The following TTYH2 variants were observed in gnomAD, a reference collection of about 807,000 sequenced individuals.
TTYH2 encodes protein tweety homolog 2.
TTYH2 carries 49 observed loss-of-function variants against 68.3 expected under a neutral mutation model. The observed-to-expected ratio is 0.72, with a 90% CI of 0.57 to 0.91. The LOEUF is 0.91. TTYH2 is among the 40% of genes least tolerant of loss of function. TTYH2 has a pLI of 0.00. For missense variants in TTYH2, 631 were observed against 700.4 expected (o/e 0.90, Z 1.12); for synonymous variants, 272 against 300.8 (o/e 0.90, Z 0.99).
Position 74,232,070 on chromosome 17 carries a change from G to A in TTYH2, c.414+1071G>A, listed in dbSNP as rs535807682. Among the ~76,000 whole-genome samples the A allele has an allele frequency of 2.6e-4, 40 of 152,212 alleles. No individual in the cohort carries two copies. Among genetic ancestry groups the A allele is most frequent in the African/African-American group, 4.6e-4 (19 of 41,550 alleles). On this transcript the variant is annotated intron_variant, in intron 3 of 13. Transcript: ENST00000269346. This position sits in a 1 kb window ranked among gnomAD's most constrained non-coding sequence, Gnocchi z 5.1. ...CAGTTTGACCTTGGCCCCCACACAC[G>A]TCATTCTCACTCTAAGCACCAGACC...
At chr17:74,252,500 G>A (rs771378564) in intron 11 of TTYH2, 124 bp downstream of exon 11, 301 of 1,229,860 alleles carry the variant, frequency 2.4e-4, no homozygotes, top group Non-Finnish European at 3.2e-4. Flanking sequence ...AGAGGGCCCG[G>A]GCATTCAGCC....
Position 74,237,520 on chromosome 17 carries a change from G to A in TTYH2, c.635+6G>A. 2 of 1,594,818 alleles carry A rather than the reference G, an allele frequency of 1.3e-6. No homozygotes were observed. The highest frequency in any genetic ancestry group is 2.7e-5 in the African/African-American group (2 of 74,760). On this transcript the variant is annotated splice_donor_region_variant and intron_variant, in intron 4 of 13. Transcript: ENST00000269346. Reference sequence around the variant, plus strand: ...GGCTACGTGGAGTACTACAGGTGAAGGACCGGTGGGAGGCAGAGGGAGGGG... The same window carrying A: ...GGCTACGTGGAGTACTACAGGTGAAAGACCGGTGGGAGGCAGAGGGAGGGG...
rs777602775 is a variant in TTYH2, at chr17:74,215,502, C to T, written c.129+1786C>T. On this transcript the variant is annotated intron_variant, in intron 1 of 13. Transcript: ENST00000269346. The surrounding 1 kb of genome is among the most constrained non-coding windows in gnomAD (Gnocchi z 4.3). Reference sequence around the variant, plus strand: ...GCCCCTCCTCCCAGGATTCTGGCCCCGGCTCACTTTGTGCTGGGCATCAAA... The same window carrying T: ...GCCCCTCCTCCCAGGATTCTGGCCCTGGCTCACTTTGTGCTGGGCATCAAA... The T allele has an allele frequency of 1.4e-4, 119 of 855,032 alleles. No homozygotes were observed. Among genetic ancestry groups the T allele is most frequent in the Non-Finnish European group, 2.0e-4 (110 of 563,720 alleles). 53.0% of individuals were successfully genotyped at this position (855,032 alleles called of 1,614,324 possible).
At chr17:74,251,507 T>C (rs2050629411) in intron 10 of TTYH2, among the ~76,000 whole-genome samples, 1 of 151,836 alleles carries the variant, frequency 6.6e-6, no homozygotes, top group Non-Finnish European at 1.5e-5. Flanking sequence ...CAGTCACCCC[T>C]GTCTCCTCTC....
intron 10 of TTYH2, among the ~76,000 whole-genome samples, chr17:74,251,389 G>T (rs9897077): frequency 0.42 from 61,227 of 147,240 alleles, 13,127 homozygotes; most frequent in African/African-American, 0.53. Context: ...GTGTGTGGGG[G>T]GTGTGTGTGC....
At position 74,222,445 on chromosome 17, in the gene TTYH2, C is replaced by T; in HGVS notation, c.130-40C>T. The T allele has an allele frequency of 6.4e-7, 1 of 1,574,494 alleles. No homozygotes were observed. The highest frequency in any genetic ancestry group is 8.6e-7 in the Non-Finnish European group (1 of 1,162,732). On this transcript the variant is annotated intron_variant, in intron 1 of 13. Coordinates refer to ENST00000269346, the MANE Select transcript of TTYH2 (RefSeq NM_032646.6). This position sits in a 1 kb window ranked among gnomAD's most constrained non-coding sequence, Gnocchi z 5.2. The stretch of plus-strand genomic sequence containing the variant: ...AGGGCACTTCCAGAGCCCCGCACTG[C>T]AGGGATGAAGAGTGACAACAGGCCT...
rs77459714 is a variant in TTYH2, at chr17:74,215,936, A to G, written c.129+2220A>G. Among the ~76,000 whole-genome samples, 1,753 of 152,298 alleles carry G rather than the reference A, an allele frequency of 0.012. 35 individuals are homozygous for G. The highest frequency in any genetic ancestry group is 0.04 in the African/African-American group (1,654 of 41,554). On this transcript the variant is annotated intron_variant, in intron 1 of 13. Transcript: ENST00000269346. The surrounding 1 kb of genome is among the most constrained non-coding windows in gnomAD (Gnocchi z 4.3). ...GCGGCTGGGCTCTGGGCGCAGTGCT[A>G]TGGCAGACACCAAGCAGTTTGAGGT...
At chr17:74,253,426 G>A (rs73996942) in intron 12 of TTYH2, among the ~76,000 whole-genome samples, 160 bp downstream of exon 12, 1 of 152,316 alleles carries the variant, frequency 6.6e-6, no homozygotes, top group African/African-American at 2.4e-5. Flanking sequence ...GGAGCATCTA[G>A]TCACCCCTCC....
Position 74,213,641 on chromosome 17 carries a change from C to G in TTYH2, c.54C>G (p.His18Gln). 1 of 1,612,282 alleles carries G rather than the reference C, an allele frequency of 6.2e-7. No individual in the cohort carries two copies. The highest frequency in any genetic ancestry group is 8.5e-7 in the Non-Finnish European group (1 of 1,179,568). Reference sequence around the variant, plus strand: ...CTCCCTGGTGGGTCGTGTGGCTGCACAGCGTCCCGCACGTCGGCCTGCGCC... The same window carrying G: ...CTCCCTGGTGGGTCGTGTGGCTGCAGAGCGTCCCGCACGTCGGCCTGCGCC... The part of the protein sequence containing the change: ...YIAPWWVVWL[H>Q]SVPHVGLRLQ... The change falls in exon 1 of 14, where the codon CAC becomes CAG. Residue 18 changes from histidine to glutamine, a missense_variant. Physicochemically the swap from His to Gln is conservative, Grantham distance 24. Coordinates refer to ENST00000269346, the MANE Select transcript of TTYH2 (RefSeq NM_032646.6). The surrounding 1 kb of genome is among the most constrained non-coding windows in gnomAD (Gnocchi z 6.1).
chr17:74,243,820 C>T (rs1254759386), intron 5 of TTYH2, among the ~76,000 whole-genome samples, 157 bp from the exon 6 acceptor site: 1 of 152,116 alleles, frequency 6.6e-6, no homozygotes, highest in Non-Finnish European at 1.5e-5. Flanking sequence ...GACCTGGGCT[C>T]CATGGTCCTT....
chr17:74,220,489 G>C (rs1249613548), intron 1 of TTYH2, among the ~76,000 whole-genome samples: 1 of 152,216 alleles, frequency 6.6e-6, no homozygotes. Flanking sequence ...ACAGGTCACA[G>C]GGTGGTAAAC....
chr17:74,251,347 GGTGCATGTGTGT>G (rs145204083), intron 10 of TTYH2, among the ~76,000 whole-genome samples: 60,929 of 147,228 alleles, frequency 0.41, 13,047 homozygotes, highest in African/African-American at 0.53. Context: ...TGGTGTGTGT[GGTGCATGTGTGT>G]GTGCATGTGG....
chr17:74,249,480 CG>C (rs2050596048), intron 8 of TTYH2, 81 bp downstream of exon 8: 3 of 1,486,726 alleles, frequency 2.0e-6, no homozygotes, highest in Non-Finnish European at 2.8e-6. Context: ...ACCAAGATGG[CG>C]GAGGTGGCAG....
At chr17:74,249,537 A>AG (rs2050596714) in intron 8 of TTYH2, 138 bp downstream of exon 8, 8 of 914,788 alleles carry the variant, frequency 8.7e-6, no homozygotes, top group Middle Eastern at 3.1e-4. Context: ...TGCTTCTGTG[A>AG]GGGGGGCGTG....
intron 10 of TTYH2, among the ~76,000 whole-genome samples, chr17:74,250,999 C>A (rs942479013): frequency 2.6e-5 from 4 of 152,106 alleles, no homozygotes; most frequent in African/African-American, 7.2e-5. Flanking sequence ...CTTGCTTGTG[C>A]GTGTGTATGG....
intron 6 of TTYH2, among the ~76,000 whole-genome samples, chr17:74,246,279 G>A (rs2143765785): frequency 6.6e-6 from 1 of 152,226 alleles, no homozygotes; most frequent in Non-Finnish European, 1.5e-5. Flanking sequence ...CACCCTGTCT[G>A]GGCCCACATC....
At chr17:74,246,607 C>T (rs2050560471) in intron 6 of TTYH2, among the ~76,000 whole-genome samples, 1 of 152,188 alleles carries the variant, frequency 6.6e-6, no homozygotes, top group East Asian at 1.9e-4. Context: ...TCCCACCTGC[C>T]CCAACTATGC....
intron 2 of TTYH2, among the ~76,000 whole-genome samples, chr17:74,226,622 G>T (rs1271881292): frequency 6.6e-6 from 1 of 152,160 alleles, no homozygotes; most frequent in Admixed American, 6.5e-5. Flanking sequence ...GGGCACTGAG[G>T]TGGGAGGACA....
At chr17:74,249,281 A>G in intron 7 of TTYH2, 63 bp from the exon 8 acceptor site, 1 of 1,605,742 alleles carries the variant, frequency 6.2e-7, no homozygotes, top group South Asian at 1.1e-5. Flanking sequence ...TTGGCCACCA[A>G]GGATGATAGA....
Sources: allele counts gnomAD v4.1 joint callset (sites outside exome capture counted in the v4.1 genomes callset), GRCh38; gene constraint gnomAD v4.1.1; non-coding constraint Gnocchi (gnomAD v3.1); transcripts MANE v1.5; gene names NCBI Gene and HGNC (gene_info 2026-07-23, HGNC 2026-07-21).